Variants in TAFA1 observed in about 807,000 individuals in gnomAD.
TAFA1 encodes the protein chemokine-like protein TAFA-1.
In TAFA1, 4 loss-of-function variants were observed where a neutral mutation model predicts 18.5. The observed-to-expected ratio is 0.22, with a 90% CI of 0.11 to 0.49. The LOEUF (loss-of-function observed/expected upper bound fraction) is 0.49, where lower values mean the gene tolerates loss of function less well. TAFA1 is among the 20% of genes least tolerant of loss of function. The pLI is 0.98. For missense variants in TAFA1, 147 were observed against 169.0 expected (o/e 0.87, Z 0.72); for synonymous variants, 56 against 55.2 (o/e 1.01, Z -0.06).
At chr3:68,419,114 G>T (rs1014960400) in intron 3 of TAFA1, among the ~76,000 whole-genome samples, 1 of 152,150 alleles carries the variant, frequency 6.6e-6, no homozygotes, top group African/African-American at 2.4e-5. Context: ...GTGGTAGCTG[G>T]CTTCCCTCAA....
intron 2 of TAFA1, among the ~76,000 whole-genome samples, chr3:68,392,064 C>A (rs1188224574): frequency 1.3e-5 from 2 of 149,890 alleles, no homozygotes; most frequent in Non-Finnish European, 2.9e-5. Flanking sequence ...CACAGACTGG[C>A]AAATTGGATA....
rs548368673 is a variant in TAFA1 at position 68,343,819 on chromosome 3, C to G, written c.119-73461C>G. Among the ~76,000 whole-genome samples, 4 of 152,072 alleles carry G rather than the reference C, an allele frequency of 2.6e-5. No individual in the cohort carries two copies. The South Asian group carries it at 6.2e-4, about 24-fold the overall frequency. On this transcript the variant is annotated intron_variant, in intron 2 of 4. Coordinates refer to ENST00000478136, the MANE Select transcript of TAFA1 (RefSeq NM_213609.4). ...AAGAATGCTGCTGTCCAATCTGATTCTGACATTTAAGAAGTGTGCAGCAAT... is the reference window on the plus strand; with the variant it reads ...AAGAATGCTGCTGTCCAATCTGATTGTGACATTTAAGAAGTGTGCAGCAAT...
chr3:68,096,976 G>C (rs1259499119), intron 2 of TAFA1, among the ~76,000 whole-genome samples: 1 of 152,082 alleles, frequency 6.6e-6, no homozygotes, highest in Admixed American at 6.6e-5. Flanking sequence ...AGGTAAAATG[G>C]TATCTGGGGC....
At chr3:68,499,723 A>G (rs968499165) in intron 3 of TAFA1, among the ~76,000 whole-genome samples, 28 of 151,940 alleles carry the variant, frequency 1.8e-4, no homozygotes, top group African/African-American at 6.5e-4. Context: ...AAACGTATGA[A>G]TAATGGAGGT....
At chr3:68,299,822 G>T (rs1233364118) in intron 2 of TAFA1, among the ~76,000 whole-genome samples, 1 of 151,062 alleles carries the variant, frequency 6.6e-6, no homozygotes, top group Non-Finnish European at 1.5e-5. Context: ...TTCTGAGGGT[G>T]CAAGTCACAA....
intron 2 of TAFA1, among the ~76,000 whole-genome samples, chr3:68,215,957 C>T (rs957115983): frequency 9.2e-5 from 14 of 152,108 alleles, no homozygotes; most frequent in Admixed American, 5.9e-4. Context: ...GTACACTCAT[C>T]CAGTGGAATG....
chr3:68,437,334 T>A (rs2071283232), intron 3 of TAFA1, among the ~76,000 whole-genome samples: 1 of 152,212 alleles, frequency 6.6e-6, no homozygotes, highest in African/African-American at 2.4e-5. Context: ...AGAATATAGT[T>A]TAAAATAGTT....
At chr3:68,202,935 G>A (rs1161607245) in intron 2 of TAFA1, among the ~76,000 whole-genome samples, 1 of 151,440 alleles carries the variant, frequency 6.6e-6, no homozygotes, top group Non-Finnish European at 1.5e-5. Flanking sequence ...TTTAAATAGA[G>A]TTTCTGACCC....
intron 3 of TAFA1, among the ~76,000 whole-genome samples, chr3:68,491,932 C>T (rs2072460504): frequency 6.6e-6 from 1 of 152,158 alleles, no homozygotes; most frequent in Non-Finnish European, 1.5e-5. Context: ...CTGAAGCCCA[C>T]CAAAGACAGA....
At chr3:67,995,679 A>G in the TAFA1 span, among the ~76,000 whole-genome samples, 3 of 152,190 alleles carry the variant, frequency 2.0e-5, no homozygotes, top group Non-Finnish European at 4.4e-5. Flanking sequence ...GTGTGTTAGA[A>G]GAAGGGGACA....
intron 3 of TAFA1, among the ~76,000 whole-genome samples, chr3:68,487,999 A>C (rs7609799): frequency 0.21 from 31,393 of 152,038 alleles, 3,442 homozygotes; most frequent in African/African-American, 0.23. Context: ...AGATGCCCCC[A>C]CATAGCAATA....
chr3:68,469,808 C>G (rs1205933382), intron 3 of TAFA1, among the ~76,000 whole-genome samples: 1 of 152,222 alleles, frequency 6.6e-6, no homozygotes, highest in Admixed American at 6.5e-5. Context: ...ATTAATTACA[C>G]AACCTTGTAC....
intron 2 of TAFA1, among the ~76,000 whole-genome samples, chr3:68,239,994 T>C (rs1282769410): frequency 6.6e-6 from 1 of 152,190 alleles, no homozygotes; most frequent in African/African-American, 2.4e-5. Context: ...AGCTCTTTTG[T>C]AAAATAGGTG....
At chr3:67,991,952 C>G in the TAFA1 span, among the ~76,000 whole-genome samples, 2 of 152,148 alleles carry the variant, frequency 1.3e-5, no homozygotes, top group Non-Finnish European at 2.9e-5. Context: ...GACTAATGCC[C>G]TGGCATTCTC....
intron 2 of TAFA1, among the ~76,000 whole-genome samples, chr3:68,392,176 C>CAACA (rs1491546118): frequency 1.8e-5 from 2 of 109,314 alleles, no homozygotes; most frequent in East Asian, 6.3e-4. Flanking sequence ...TTTAGGAAAG[C>CAACA]AAAAAAAAAA....
chr3:68,253,332 T>C (rs1204004635), intron 2 of TAFA1, among the ~76,000 whole-genome samples: 2 of 152,166 alleles, frequency 1.3e-5, no homozygotes, highest in Non-Finnish European at 2.9e-5. Flanking sequence ...TCCTTGCCCT[T>C]GCGTACTTTA....
intron 2 of TAFA1, among the ~76,000 whole-genome samples, chr3:68,030,878 T>G (rs990411007): frequency 2.6e-5 from 4 of 152,176 alleles, no homozygotes; most frequent in Non-Finnish European, 5.9e-5. Flanking sequence ...CTTGTAGCAA[T>G]GTACCCTTAG....
intron 2 of TAFA1, among the ~76,000 whole-genome samples, chr3:68,413,667 G>A (rs9310059): frequency 0.015 from 2,286 of 152,154 alleles, 55 homozygotes; most frequent in African/African-American, 0.052. Context: ...TTCTGGAAGA[G>A]TTTGATTTCC....
intron 2 of TAFA1, among the ~76,000 whole-genome samples, chr3:68,213,174 C>G (rs2066615955): frequency 6.6e-6 from 1 of 152,128 alleles, no homozygotes; most frequent in African/African-American, 2.4e-5. Flanking sequence ...AAGAAACCAA[C>G]TCCAGCTAAT....
Sources: allele counts gnomAD v4.1 joint callset (sites outside exome capture counted in the v4.1 genomes callset), GRCh38; gene constraint gnomAD v4.1.1; transcripts MANE v1.5; gene names NCBI Gene and HGNC (gene_info 2026-07-23, HGNC 2026-07-21).